The following DYNC2H1 variants were observed in gnomAD, a reference collection of about 807,000 sequenced individuals.
The protein encoded by DYNC2H1 is cytoplasmic dynein 2 heavy chain 1.
DYNC2H1 carries 410 observed loss-of-function variants against 570.0 expected under a neutral mutation model. That is an observed-to-expected ratio of 0.72 (90% CI 0.66 to 0.78). The LOEUF (loss-of-function observed/expected upper bound fraction) is 0.78. Ranked by LOEUF, DYNC2H1 falls within the 30% of genes least tolerant of loss-of-function variation. The pLI, the probability that DYNC2H1 is intolerant of heterozygous loss-of-function variation, is 0.00. For synonymous variants in DYNC2H1, 1,688 were observed against 1,677.6 expected, an observed-to-expected ratio of 1.01 and a Z score of -0.15; for missense variants, 4,865 against 5,046.4, an observed-to-expected ratio of 0.96 and a Z score of 1.09.
At chr11:103,464,616 G>A (rs949734050) in intron 87 of DYNC2H1, among the ~76,000 whole-genome samples, 33 of 152,240 alleles carry the variant, frequency 2.2e-4, no homozygotes, top group African/African-American at 7.5e-4. Flanking sequence ...CATGTTGACA[G>A]CGGACTTCTC....
In DYNC2H1 at chr11:103,220,764, T is replaced by A. The variant is rs2135150162; in HGVS notation, c.9088T>A (p.Ser3030Thr). 2 of 1,608,246 alleles carry A rather than the reference T, an allele frequency of 1.2e-6. No homozygotes were observed. The highest frequency in any genetic ancestry group is 2.2e-5 in the South Asian group (2 of 89,232). Residue 3030 changes from serine to threonine, a missense_variant, in exon 57 of 89, where the codon TCT becomes ACT. By Grantham distance (58) the Ser-to-Thr change is moderately conservative (BLOSUM62 1). Transcript: ENST00000375735. ...VLRLMGIFDT[S>T]WVSMKSFLAK... is the part of the protein sequence containing the mutation. The stretch of plus-strand genomic sequence containing the variant: ...AAGGTTGATGGGTATCTTTGATACA[T>A]CTTGGGTGAGCATGAAAAGGTACAT...
chr11:103,396,024 T>C (rs1942384045), intron 83 of DYNC2H1, among the ~76,000 whole-genome samples: 2 of 152,230 alleles, frequency 1.3e-5, no homozygotes, highest in African/African-American at 2.4e-5. Context: ...ATCGAGTCTT[T>C]TGTTATCTTT....
intron 83 of DYNC2H1, among the ~76,000 whole-genome samples, chr11:103,383,291 C>G (rs1565546279): frequency 6.6e-6 from 1 of 152,150 alleles, no homozygotes; most frequent in Non-Finnish European, 1.5e-5. Context: ...AGGACATCAT[C>G]TGTAAAGAAG....
intron 88 of DYNC2H1, among the ~76,000 whole-genome samples, chr11:103,476,341 T>C (rs997533591): frequency 3.9e-5 from 6 of 152,216 alleles, no homozygotes; most frequent in Non-Finnish European, 2.9e-5. Context: ...TTTATTTTGA[T>C]TTTCTGAAGT....
rs570294171 is a variant in DYNC2H1 at position 103,158,753 on chromosome 11, C to T, written c.4204C>T (p.Leu1402=). 2.6e-6 allele frequency: 4 copies of T among 1,512,806 alleles called. No individual in the cohort carries two copies. The highest frequency in any genetic ancestry group is 3.6e-6 in the Non-Finnish European group (4 of 1,117,710). 93.7% of individuals were successfully genotyped at this position (1,512,806 alleles called of 1,614,324 possible). A position where few individuals can be genotyped will look rare whatever the true frequency, so the allele number is the denominator to read the frequency against. The change falls in exon 27 of 89, where the codon CTA becomes TTA. Residue 1402 remains leucine, a synonymous_variant. Transcript: ENST00000375735. ...TTHAGIRNSL[L]TILDQLQRCQ... ...TCATGCTGGAATAAGAAATTCTCTACTAACAATACTTGATCAGCTTCAAAG... is the reference window on the plus strand; with the variant it reads ...TCATGCTGGAATAAGAAATTCTCTATTAACAATACTTGATCAGCTTCAAAG...
intron 54 of DYNC2H1, among the ~76,000 whole-genome samples, chr11:103,215,510 A>T (rs1257307541): frequency 6.6e-6 from 1 of 152,084 alleles, no homozygotes; most frequent in East Asian, 1.9e-4. Context: ...TTTTCTTTAA[A>T]ACCTCTGTGG....
At chr11:103,120,609 A>G (rs774551176) in intron 7 of DYNC2H1, 28 bp downstream of exon 7, 2 of 1,600,328 alleles carry the variant, frequency 1.2e-6, no homozygotes, top group Admixed American at 1.7e-5. Flanking sequence ...TTATGTCTGT[A>G]CAGTTTCCTG....
rs979956106 is a variant in DYNC2H1, at chr11:103,449,271, C to T, written c.12457-5915C>T. Among the ~76,000 whole-genome samples the T allele has an allele frequency of 1.8e-4, 27 of 152,154 alleles. 1 individual carries two copies. Among genetic ancestry groups the T allele is most frequent in the South Asian group, 4.2e-4 (2 of 4,812 alleles). ...AATGGGTTTAGAATTCAGGCAGGAA[C>T]AGACAATGCAGGCGTTGTCTGCTAT... On this transcript the variant is annotated intron_variant, in intron 85 of 88. Transcript: ENST00000375735.
At chr11:103,437,557 A>G (rs1201158509) in intron 85 of DYNC2H1, among the ~76,000 whole-genome samples, 2 of 152,272 alleles carry the variant, frequency 1.3e-5, no homozygotes, top group South Asian at 4.1e-4. Flanking sequence ...TAGCAAGTAG[A>G]GAAGAATCTG....
At chr11:103,420,493 T>C (rs683615) in intron 84 of DYNC2H1, among the ~76,000 whole-genome samples, 101,288 of 152,004 alleles carry the variant, frequency 0.67, 35,400 homozygotes, top group African/African-American at 0.89. Context: ...GACACGTCAC[T>C]CACAAAGGGA....
At chr11:103,160,554 A>G (rs544764795) in intron 28 of DYNC2H1, among the ~76,000 whole-genome samples, 1 of 152,158 alleles carries the variant, frequency 6.6e-6, no homozygotes, top group South Asian at 2.1e-4. Flanking sequence ...AGTTAGGACA[A>G]TTCTTACTGA....
Position 103,468,723 on chromosome 11 carries a change from A to G in DYNC2H1, c.12765+18A>G, listed in dbSNP as rs774825288. On this transcript the variant is annotated intron_variant, in intron 88 of 88. Coordinates refer to ENST00000375735, the MANE Select transcript of DYNC2H1 (RefSeq NM_001377.3). Reference sequence around the variant, plus strand: ...TTCCACAGGTAATACATTTTTAACAAGCACAAGTTTTAATTATATCAGTTC... The same window carrying G: ...TTCCACAGGTAATACATTTTTAACAGGCACAAGTTTTAATTATATCAGTTC... The G allele has an allele frequency of 1.3e-6, 2 of 1,550,994 alleles. No homozygotes were observed. The highest frequency in any genetic ancestry group is 2.2e-5 in the East Asian group (1 of 44,488).
intron 8 of DYNC2H1, 21 bp from the exon 9 acceptor site, chr11:103,120,904 A>C (rs1413921073): frequency 7.3e-7 from 1 of 1,374,342 alleles, no homozygotes; most frequent in African/African-American, 1.5e-5. Context: ...ATGAACATGT[A>C]CTTATTTTAT....
chr11:103,323,210 G>C (rs1167406659), intron 81 of DYNC2H1, among the ~76,000 whole-genome samples: 2 of 152,124 alleles, frequency 1.3e-5, no homozygotes, highest in Non-Finnish European at 2.9e-5. Context: ...AAGTGTTTTT[G>C]CCTGCACTTA....
intron 85 of DYNC2H1, among the ~76,000 whole-genome samples, chr11:103,449,231 T>C (rs1358472938): frequency 6.6e-6 from 1 of 152,058 alleles, no homozygotes; most frequent in East Asian, 1.9e-4. Flanking sequence ...AGTCAGAAGT[T>C]AGGTAGTGAG....
chr11:103,451,490 G>A (rs1344273610), intron 85 of DYNC2H1, among the ~76,000 whole-genome samples: 1 of 151,794 alleles, frequency 6.6e-6, no homozygotes, highest in Non-Finnish European at 1.5e-5. Flanking sequence ...GTGCCACCAC[G>A]CCTGGCTAAT....
chr11:103,399,654 T>C lies in DYNC2H1; in HGVS notation c.12157-9T>C. On this transcript the variant is annotated splice_polypyrimidine_tract_variant and intron_variant, in intron 83 of 88. Transcript: ENST00000375735. Reference sequence around the variant, plus strand: ...CTATTCGGTAAATATTATGACATTTTTCTTTTAGAATTCAAACCTAATACA... The same window carrying C: ...CTATTCGGTAAATATTATGACATTTCTCTTTTAGAATTCAAACCTAATACA... 1 of 1,596,998 alleles carries C rather than the reference T, an allele frequency of 6.3e-7. No homozygotes were observed. Among genetic ancestry groups the C allele is most frequent in the Non-Finnish European group, 8.6e-7 (1 of 1,167,978 alleles).
intron 47 of DYNC2H1, among the ~76,000 whole-genome samples, chr11:103,192,570 A>C (rs1157300713): frequency 6.6e-6 from 1 of 152,190 alleles, no homozygotes; most frequent in Non-Finnish European, 1.5e-5. Flanking sequence ...TAAAACATGA[A>C]GATCATTGGG....
intron 84 of DYNC2H1, chr11:103,403,977 G>A (rs1374731180): frequency 6.6e-6 from 1 of 151,948 alleles, no homozygotes; most frequent in Non-Finnish European, 1.5e-5. Flanking sequence ...AGATAGTTCA[G>A]ACAGTCTCGA....
Sources: allele counts gnomAD v4.1 joint callset (sites outside exome capture counted in the v4.1 genomes callset), GRCh38; gene constraint gnomAD v4.1.1; transcripts MANE v1.5; gene names NCBI Gene and HGNC (gene_info 2026-07-23, HGNC 2026-07-21).